Variants in MCF2L observed in about 807,000 individuals in gnomAD.
The protein encoded by MCF2L is MCF.2 cell line derived transforming sequence like, also known as guanine nucleotide exchange factor DBS.
In MCF2L, 97 loss-of-function variants were observed where a neutral mutation model predicts 153.4. That is an observed-to-expected ratio of 0.63 (90% CI 0.54 to 0.75). The LOEUF is 0.75. Among genes scored for constraint, MCF2L ranks in the 30% least tolerant of loss-of-function variants. The pLI is 0.00. For synonymous variants in MCF2L, 659 were observed against 632.2 expected (o/e 1.04, Z -0.64); for missense variants, 1,347 against 1,495.2 (o/e 0.90, Z 1.64).
chr13:112,972,897 C>G (rs1226408209), intron 1 of MCF2L, among the ~76,000 whole-genome samples: 2 of 148,146 alleles, frequency 1.4e-5, no homozygotes, highest in Non-Finnish European at 3.0e-5. Flanking sequence ...TGTCCTTAAG[C>G]TCTTCCTGGG....
intron 1 of MCF2L, chr13:113,009,361 G>A (rs1416956808): frequency 1.3e-5 from 2 of 152,268 alleles, no homozygotes; most frequent in South Asian, 4.1e-4. Flanking sequence ...CACTGTGTAT[G>A]TGACATGAAA....
rs149813464 is a variant in MCF2L at position 112,995,613 on chromosome 13, C to T, written c.80-19150C>T. On this transcript the variant is annotated intron_variant, in intron 1 of 29. Coordinates refer to ENST00000535094, the MANE Select transcript of MCF2L (RefSeq NM_001112732.3). Reference sequence around the variant, plus strand: ...TCCAAGGCCTGCTGGCCTGAAGTCACCCCCGGGATGTGCCCCGTGTGGGAC... The same window carrying T: ...TCCAAGGCCTGCTGGCCTGAAGTCATCCCCGGGATGTGCCCCGTGTGGGAC... 1.3e-3 allele frequency among the ~76,000 whole-genome samples: 201 copies of T among 152,280 alleles called. 1 individual carries two copies. The highest frequency in any genetic ancestry group is 4.7e-3 in the African/African-American group (194 of 41,564).
In MCF2L at chr13:113,089,665, C is replaced by T. The variant is rs2035007966; in HGVS notation, c.2890C>T (p.Pro964Ser). The change falls in exon 26 of 30, where the codon CCC (proline) becomes TCC (serine). Residue 964 changes from proline (P) to serine (S), a missense_variant. Pro to Ser is a moderately conservative substitution (Grantham distance 74, BLOSUM62 -1). Around this residue, in one of 3 missense-constraint regions of MCF2L, gnomAD observed 383 missense variants for 335.4 expected, o/e 1.14. Transcript: ENST00000535094. ...GAAGCTGGAAGAAAGGAAAACAGAC[C>T]CCCTAAGCCTGGAGGGATACGTCAG... ...IKKLEERKTD[P>S]LSLEGYVSSA... The T allele has an allele frequency of 6.2e-7, 1 of 1,613,928 alleles. No homozygotes were observed. Among genetic ancestry groups the T allele is most frequent in the Non-Finnish European group, 8.5e-7 (1 of 1,179,994 alleles).
At chr13:112,953,674 G>C (rs1390964340) in intron 2 of MCF2L, among the ~76,000 whole-genome samples, 1 of 152,214 alleles carries the variant, frequency 6.6e-6, no homozygotes, top group African/African-American at 2.4e-5. Flanking sequence ...TGTTTTGTCT[G>C]CCCCCAGCTG....
chr13:113,004,298 C>T (rs2083552973), intron 1 of MCF2L, among the ~76,000 whole-genome samples: 1 of 152,230 alleles, frequency 6.6e-6, no homozygotes, highest in South Asian at 2.1e-4. Context: ...AGTGTGCGGC[C>T]ACACTTGGTG....
At chr13:113,089,979 G>GCC in intron 26 of MCF2L, 1 of 1,598,408 alleles carries the variant, frequency 6.3e-7, no homozygotes, top group Non-Finnish European at 8.5e-7. Flanking sequence ...GCAACCCGGA[G>GCC]CCGCCTTGGG....
chr13:112,902,307 A>G (rs1163709724), exon 2 of MCF2L: 3 of 1,612,808 alleles, frequency 1.9e-6, no homozygotes, highest in Non-Finnish European at 2.5e-6. Context: ...CGGATCACCA[A>G]ATTGATGTGT....
Position 112,938,150 on chromosome 13 carries a change from T to C in MCF2L, c.169+35779T>C, listed in dbSNP as rs1434909346. On this transcript the variant is annotated intron_variant, in intron 2 of 29. Coordinates refer to the MCF2L transcript ENST00000375608. ...TTCAGGTGAGCGCTGAGGGGTTGGT[T>C]CAGGTGAGCGCTGAGGGGTTGGTTC... 2.6e-3 allele frequency among the ~76,000 whole-genome samples: 355 copies of C among 139,188 alleles called. 1 individual carries two copies. The highest frequency in any genetic ancestry group is 9.4e-3 in the African/African-American group (345 of 36,670). The allele number at this position is 139,188 out of a possible 152,430, so 91.3% of individuals were successfully genotyped here. A position where few individuals can be genotyped will look rare whatever the true frequency, so the allele number is the denominator to read the frequency against.
chr13:113,009,917 CA>C (rs1297335638), intron 1 of MCF2L: 1 of 152,204 alleles, frequency 6.6e-6, no homozygotes, highest in Admixed American at 6.5e-5. Flanking sequence ...GGCATTTTGC[CA>C]GAATAAATAA....
Position 113,045,062 on chromosome 13 carries a change from G to T in MCF2L, c.279-209G>T, listed in dbSNP as rs2086722415. On this transcript the variant is annotated intron_variant, in intron 3 of 29. Transcript: ENST00000535094. The surrounding 1 kb of genome is among the most constrained non-coding windows in gnomAD (Gnocchi z 4.2). ...GCTGAGAAATAAGAACACACCAAAA[G>T]TGCCTGCCCTTCCGTAGATGAGAGC... 2.9e-6 allele frequency: 3 copies of T among 1,038,242 alleles called. No homozygotes were observed. Among genetic ancestry groups the T allele is most frequent in the Non-Finnish European group, 4.2e-6 (3 of 708,532 alleles). 64.3% of individuals were successfully genotyped at this position (1,038,242 alleles called of 1,614,324 possible). A position where few individuals can be genotyped will look rare whatever the true frequency, so the allele number is the denominator to read the frequency against.
rs1242065349 is a variant in MCF2L, at chr13:112,960,969, C to T, written c.170-53794C>T. 6.6e-6 allele frequency among the ~76,000 whole-genome samples: 1 copy of T among 152,226 alleles called. No individual in the cohort carries two copies. Among genetic ancestry groups the T allele is most frequent in the Non-Finnish European group, 1.5e-5 (1 of 68,042 alleles). ...CGTGCCGCAGCTCAAGTGGGGGCCC[C>T]TGAGGGGCCTCCAGTGTTTGGGCTG... On this transcript the variant is annotated intron_variant, in intron 2 of 29. Transcript: ENST00000375608. This position sits in a 1 kb window ranked among gnomAD's most constrained non-coding sequence, Gnocchi z 4.2.
chr13:112,965,884 T>C (rs2081887560), upstream of MCF2L: 2 of 152,178 alleles, frequency 1.3e-5, no homozygotes, highest in African/African-American at 2.4e-5. Context: ...ACACACGGCT[T>C]GGGACCTTAC....
chr13:113,002,062 G>A, intron 1 of MCF2L: 3 of 1,409,056 alleles, frequency 2.1e-6, no homozygotes, highest in South Asian at 1.5e-5. Context: ...GGCGGGGGTG[G>A]ACGTTCTGGG....
At chr13:112,925,898 G>A (rs150325131) in intron 2 of MCF2L, among the ~76,000 whole-genome samples, 7 of 152,296 alleles carry the variant, frequency 4.6e-5, no homozygotes, top group East Asian at 1.9e-4. Context: ...GAAAAGTCCT[G>A]TGACAGACTG....
chr13:112,939,897 A>T (rs1259792461), intron 2 of MCF2L, among the ~76,000 whole-genome samples: 2 of 151,538 alleles, frequency 1.3e-5, no homozygotes, highest in African/African-American at 4.9e-5. Flanking sequence ...TGAACTGAGG[A>T]GGTAGAGGTT....
At chr13:113,047,047 G>A (rs143756684) in intron 4 of MCF2L, 8 of 163,470 alleles carry the variant, frequency 4.9e-5, no homozygotes, top group African/African-American at 1.4e-4. Flanking sequence ...GGAAGGCAGC[G>A]GGGAGCCGGC....
intron 26 of MCF2L, chr13:113,090,854 A>C (rs2035135972): frequency 3.0e-5 from 35 of 1,151,620 alleles, no homozygotes; most frequent in Non-Finnish European, 3.7e-5. Context: ...CTAGCGCAGA[A>C]CTAAGAAAAC....
chr13:113,094,424 G>T, intron 26 of MCF2L, 90 bp from the exon 27 acceptor site: 1 of 1,383,864 alleles, frequency 7.2e-7, no homozygotes, highest in Non-Finnish European at 9.7e-7. Context: ...CATTTCAGGG[G>T]GTCTGTGGGA....
rs573903335 is a variant in MCF2L, at chr13:113,005,344, G to A, written c.80-9419G>A. Among the ~76,000 whole-genome samples, 418 of 152,328 alleles carry A rather than the reference G, an allele frequency of 2.7e-3. 1 individual carries two copies. Among genetic ancestry groups the A allele is most frequent in the Admixed American group, 5.2e-3 (79 of 15,312 alleles). ...AGCACGGTGGCTACTGGGGGCTGGG[G>A]TGGGGAAGCCTGGGGAGATGCTGGC... On this transcript the variant is annotated intron_variant, in intron 1 of 29. Coordinates refer to ENST00000535094, the MANE Select transcript of MCF2L (RefSeq NM_001112732.3).
Sources: gnomAD v4.1 joint callset for allele counts (sites outside exome capture counted in the v4.1 genomes callset) on GRCh38, gnomAD v4.1.1 for gene constraint, gnomAD v4.1.1 regional missense constraint, Gnocchi (gnomAD v3.1) non-coding constraint, MANE v1.5 for transcripts, NCBI Gene and HGNC (gene_info 2026-07-23, HGNC 2026-07-21) for gene names.